Variants in ATXN7 observed in about 807,000 individuals in gnomAD.
ATXN7 encodes ataxin-7.
ATXN7 carries 12 observed loss-of-function variants against 70.5 expected under a neutral mutation model. The observed-to-expected ratio is 0.17, with a 90% confidence interval of 0.11 to 0.28. The LOEUF (loss-of-function observed/expected upper bound fraction) is 0.28. ATXN7 is among the 10% of genes least tolerant of loss of function. ATXN7 has a pLI of 1.00. For missense variants in ATXN7, 1,256 were observed against 1,131.7 expected (o/e 1.11, Z -1.58); for synonymous variants, 498 against 448.7 (o/e 1.11, Z -1.39).
At chr3:63,946,220 G>A (rs2074856965) in intron 4 of ATXN7, among the ~76,000 whole-genome samples, 1 of 152,142 alleles carries the variant, frequency 6.6e-6, no homozygotes, top group Non-Finnish European at 1.5e-5. Flanking sequence ...TGAAATGGCA[G>A]GCATAAAGGG....
chr3:63,982,506 G>T, intron 7 of ATXN7, 61 bp downstream of exon 7: 1 of 1,393,384 alleles, frequency 7.2e-7, no homozygotes, highest in African/African-American at 1.5e-5. Context: ...CATTCGTGGG[G>T]AGCAAATCAA....
chr3:63,882,385 CTTT>C (rs1164256938), intron 1 of ATXN7, among the ~76,000 whole-genome samples: 7 of 128,812 alleles, frequency 5.4e-5, no homozygotes, highest in Non-Finnish European at 5.0e-5. Context: ...GCCTTTGATT[CTTT>C]TTTTTTTTTT....
chr3:63,935,132 A>G (rs1420590641), intron 4 of ATXN7, among the ~76,000 whole-genome samples: 1 of 152,204 alleles, frequency 6.6e-6, no homozygotes, highest in Non-Finnish European at 1.5e-5. Context: ...GAATGAATGA[A>G]TGAATGAATG....
chr3:63,958,680 G>A (rs1229191797), intron 5 of ATXN7, among the ~76,000 whole-genome samples: 2 of 151,990 alleles, frequency 1.3e-5, no homozygotes, highest in African/African-American at 2.4e-5. Context: ...TTTCTCTTAA[G>A]TATGCTAAAT....
rs2075815050 is a variant in ATXN7 at position 63,999,773 on chromosome 3, A to G, written c.*306A>G. 1 of 552,626 alleles carries G rather than the reference A, an allele frequency of 1.8e-6. No homozygotes were observed. Among genetic ancestry groups the G allele is most frequent in the Non-Finnish European group, 3.2e-6 (1 of 308,780 alleles). The allele number at this position is 552,626 out of a possible 1,614,324, so 34.2% of individuals were successfully genotyped here. On this transcript the variant is annotated 3_prime_UTR_variant, in exon 13 of 13. Coordinates refer to ENST00000674280, the MANE Select transcript of ATXN7 (RefSeq NM_001377405.1). ...AGTTTTTGTTTTTGTTTTGTTTTTT[A>G]ACTTGCAGTATATCACAGAGCCACT...
chr3:63,965,039 C>T (rs80195199), intron 5 of ATXN7, among the ~76,000 whole-genome samples: 1 of 152,138 alleles, frequency 6.6e-6, no homozygotes, highest in South Asian at 2.1e-4. Flanking sequence ...TTATTGCCCT[C>T]CAGAGCACTG....
chr3:63,971,694 C>G (rs1476675200), intron 5 of ATXN7, among the ~76,000 whole-genome samples: 2 of 151,938 alleles, frequency 1.3e-5, no homozygotes, highest in South Asian at 2.1e-4. Flanking sequence ...TAAAAAACTC[C>G]TACATCAAAT....
At chr3:63,869,140 T>G (rs558150141) in intron 1 of ATXN7, among the ~76,000 whole-genome samples, 51 of 152,326 alleles carry the variant, frequency 3.3e-4, no homozygotes, top group African/African-American at 1.2e-3. Context: ...TTATTCGTGG[T>G]GATCATTTAT....
intron 5 of ATXN7, among the ~76,000 whole-genome samples, chr3:63,967,192 T>C (rs191038334): frequency 6.6e-6 from 1 of 152,288 alleles, no homozygotes; most frequent in African/African-American, 2.4e-5. Context: ...AGACACTGTT[T>C]TCAAGGGGGC....
intron 5 of ATXN7, among the ~76,000 whole-genome samples, chr3:63,966,585 T>G (rs898488728): frequency 6.6e-6 from 1 of 152,136 alleles, no homozygotes; most frequent in African/African-American, 2.4e-5. Flanking sequence ...GGAAAAAAAG[T>G]GGGTTTCAGA....
At chr3:63,921,770 C>G (rs1704520554) in intron 4 of ATXN7, among the ~76,000 whole-genome samples, 3 of 152,146 alleles carry the variant, frequency 2.0e-5, no homozygotes, top group African/African-American at 7.2e-5. Flanking sequence ...TTTACTGAGC[C>G]TCACTTGACT....
rs571129145 is a variant in ATXN7 at position 63,972,265 on chromosome 3, A to C, written c.500-7650A>C. The stretch of plus-strand genomic sequence containing the variant: ...CTGTGACTGGCCAAAGACTGTGTGC[A>C]TGTTTACCTATGTTTTACATTTTAT... On this transcript the variant is annotated intron_variant, in intron 5 of 12. Coordinates refer to ENST00000674280, the MANE Select transcript of ATXN7 (RefSeq NM_001377405.1). 1.4e-4 allele frequency among the ~76,000 whole-genome samples: 21 copies of C among 152,334 alleles called. 1 individual carries two copies. The South Asian group carries it at 3.5e-3, about 26-fold the overall frequency.
intron 4 of ATXN7, among the ~76,000 whole-genome samples, chr3:63,924,996 A>C (rs1704660740): frequency 6.6e-6 from 1 of 152,240 alleles, no homozygotes; most frequent in Non-Finnish European, 1.5e-5. Context: ...TCACAAGTAT[A>C]GTACCTTGAG....
Position 63,999,644 on chromosome 3 carries a change from C to A in ATXN7, c.*177C>A. 1 of 1,149,680 alleles carries A rather than the reference C, an allele frequency of 8.7e-7. No homozygotes were observed. The highest frequency in any genetic ancestry group is 1.3e-6 in the Non-Finnish European group (1 of 782,004). The allele number at this position is 1,149,680 out of a possible 1,614,324, so 71.2% of individuals were successfully genotyped here. On this transcript the variant is annotated 3_prime_UTR_variant, in exon 13 of 13. Transcript: ENST00000674280. The stretch of plus-strand genomic sequence containing the variant: ...AACGAGGATTTCCCTGAAGCTATGT[C>A]TCTAGCAGTGAGTACTCATAAAGGA...
intron 5 of ATXN7, among the ~76,000 whole-genome samples, chr3:63,953,385 T>C (rs2074988100): frequency 6.6e-6 from 1 of 152,070 alleles, no homozygotes; most frequent in African/African-American, 2.4e-5. Flanking sequence ...GAAGGGTATT[T>C]AGTATTTAGA....
At chr3:63,955,304 C>T (rs1478544664) in intron 5 of ATXN7, among the ~76,000 whole-genome samples, 3 of 152,110 alleles carry the variant, frequency 2.0e-5, no homozygotes, top group Non-Finnish European at 4.4e-5. Flanking sequence ...GGGCCAAGTG[C>T]TCTGAGAGAG....
At chr3:63,871,864 T>TAAA (rs141661643) in intron 1 of ATXN7, among the ~76,000 whole-genome samples, 14,784 of 149,692 alleles carry the variant, frequency 0.099, 875 homozygotes, top group Middle Eastern at 0.15. Flanking sequence ...TTTTTAAATT[T>TAAA]AAAAAAAAAA....
intron 11 of ATXN7, among the ~76,000 whole-genome samples, chr3:63,991,517 A>G (rs1392869735): frequency 2.6e-5 from 4 of 152,122 alleles, no homozygotes; most frequent in African/African-American, 9.7e-5. Flanking sequence ...TCACTGGGAC[A>G]GTAGGGAGGA....
intron 5 of ATXN7, among the ~76,000 whole-genome samples, chr3:63,962,414 T>A (rs1309939724): frequency 6.6e-6 from 1 of 151,958 alleles, no homozygotes; most frequent in African/African-American, 2.4e-5. Context: ...ACTTCTGTTT[T>A]GTTTTTTTGA....
Sources: allele counts gnomAD v4.1 joint callset (sites outside exome capture counted in the v4.1 genomes callset), GRCh38; gene constraint gnomAD v4.1.1; transcripts MANE v1.5; gene names NCBI Gene and HGNC (gene_info 2026-07-23, HGNC 2026-07-21).